NUDCD1: variants seen among roughly 807,000 people sequenced by gnomAD.
NUDCD1 encodes nudC domain-containing protein 1.
In NUDCD1, 60 loss-of-function variants were observed where a neutral mutation model predicts 67.8. The observed-to-expected ratio is 0.88, with a 90% CI of 0.72 to 1.10. NUDCD1 has a LOEUF of 1.10. Among genes scored for constraint, NUDCD1 ranks in the 50% least tolerant of loss-of-function variants. The pLI is 0.00. For missense variants in NUDCD1, 643 were observed against 695.0 expected (o/e 0.93, Z 0.84); for synonymous variants, 244 against 230.8 (o/e 1.06, Z -0.52).
intron 8 of NUDCD1, among the ~76,000 whole-genome samples, chr8:109,253,469 G>A (rs560529742): frequency 6.3e-4 from 96 of 152,302 alleles, no homozygotes; most frequent in South Asian, 2.3e-3. Flanking sequence ...AATGTTCCAC[G>A]TTTCCTTTAG....
At chr8:109,295,072 A>T (rs552081534) in intron 3 of NUDCD1, among the ~76,000 whole-genome samples, 26 of 152,120 alleles carry the variant, frequency 1.7e-4, no homozygotes, top group African/African-American at 5.8e-4. Flanking sequence ...AAGAAGGCAC[A>T]AGGTAGAATT....
At chr8:109,313,516 G>T (rs1815308572) in intron 2 of NUDCD1, among the ~76,000 whole-genome samples, 1 of 152,082 alleles carries the variant, frequency 6.6e-6, no homozygotes, top group Non-Finnish European at 1.5e-5. Context: ...AGGAGTATGA[G>T]AAAATTTTCC....
chr8:109,332,419 T>C (rs1481465922), intron 1 of NUDCD1, among the ~76,000 whole-genome samples: 1 of 152,122 alleles, frequency 6.6e-6, no homozygotes, highest in Non-Finnish European at 1.5e-5. Context: ...GGTACCAACC[T>C]GGGCTAGTCT....
intron 8 of NUDCD1, among the ~76,000 whole-genome samples, chr8:109,267,961 A>G (rs1814042079): frequency 6.6e-6 from 1 of 152,228 alleles, no homozygotes; most frequent in Non-Finnish European, 1.5e-5. Context: ...AATTATGGAA[A>G]GCATACTGGC....
At chr8:109,303,389 C>T (rs886154294) in intron 2 of NUDCD1, among the ~76,000 whole-genome samples, 1 of 152,132 alleles carries the variant, frequency 6.6e-6, no homozygotes, top group African/African-American at 2.4e-5. Flanking sequence ...ATATGGAGGC[C>T]ACCCACTCCA....
chr8:109,317,939 G>A lies in NUDCD1; in HGVS notation c.273+4370C>T, dbSNP rs147746336. 5.3e-3 allele frequency among the ~76,000 whole-genome samples: 803 copies of A among 152,168 alleles called. 10 individuals are homozygous for A. Among genetic ancestry groups the A allele is most frequent in the African/African-American group, 0.019 (772 of 41,506 alleles). On this transcript the variant is annotated intron_variant, in intron 2 of 9. Transcript: ENST00000239690. ...ACATATTACCATGTAATAGTTACCTGTACACTCATATTAGCACCTAAAAAG... is the reference window on the plus strand; with the variant it reads ...ACATATTACCATGTAATAGTTACCTATACACTCATATTAGCACCTAAAAAG...
intron 2 of NUDCD1, 96 bp downstream of exon 2, chr8:109,322,213 A>C (rs1815556869): frequency 1.7e-6 from 1 of 594,728 alleles, no homozygotes; most frequent in African/African-American, 1.8e-5. Context: ...TGTGCACCTC[A>C]CTTCTCTGGA....
chr8:109,295,753 G>C (rs1267962124), intron 3 of NUDCD1, among the ~76,000 whole-genome samples: 2 of 152,092 alleles, frequency 1.3e-5, no homozygotes, highest in Non-Finnish European at 2.9e-5. Flanking sequence ...ACTCAAAGGA[G>C]CTGAAGCAGT....
chr8:109,273,794 C>T (rs184901265), intron 7 of NUDCD1, among the ~76,000 whole-genome samples: 91 of 152,088 alleles, frequency 6.0e-4, no homozygotes, highest in African/African-American at 2.1e-3. Context: ...GAAGAGAGAA[C>T]ACTTCCCTAA....
At chr8:109,281,318 G>A in intron 5 of NUDCD1, 146 bp from the exon 6 acceptor site, 1 of 541,802 alleles carries the variant, frequency 1.8e-6, no homozygotes, top group Non-Finnish European at 3.2e-6. Flanking sequence ...AGATCTCTTT[G>A]AGGAATTTTC....
intron 8 of NUDCD1, among the ~76,000 whole-genome samples, chr8:109,260,221 ACT>A (rs1001310616): frequency 1.3e-5 from 2 of 152,316 alleles, no homozygotes; most frequent in Non-Finnish European, 2.9e-5. Context: ...AGAAGGTCTC[ACT>A]CTGTTGTAGG....
intron 2 of NUDCD1, among the ~76,000 whole-genome samples, chr8:109,310,573 C>T (rs1563680969): frequency 6.6e-6 from 1 of 152,124 alleles, no homozygotes; most frequent in African/African-American, 2.4e-5. Flanking sequence ...GATTTCATGA[C>T]CAAGAACCCA....
At chr8:109,322,499 G>A (rs1179609530) in intron 1 of NUDCD1, 36 bp from the exon 2 acceptor site, 2 of 1,544,224 alleles carry the variant, frequency 1.3e-6, no homozygotes, top group East Asian at 2.3e-5. Context: ...AACATCAAGA[G>A]TTTTGCCTCA....
chr8:109,252,691 C>A (rs916555665), intron 8 of NUDCD1, among the ~76,000 whole-genome samples: 3 of 152,162 alleles, frequency 2.0e-5, no homozygotes, highest in Admixed American at 6.5e-5. Flanking sequence ...ACATGGCAGT[C>A]CTCCTGTCTC....
intron 2 of NUDCD1, among the ~76,000 whole-genome samples, chr8:109,299,112 G>A (rs1482923040): frequency 6.6e-6 from 1 of 152,198 alleles, no homozygotes; most frequent in African/African-American, 2.4e-5. Context: ...AGCTCGCTGG[G>A]TTCCCTAACA....
chr8:109,247,431 T>G (rs556880216), intron 8 of NUDCD1, among the ~76,000 whole-genome samples: 1 of 152,136 alleles, frequency 6.6e-6, no homozygotes, highest in Non-Finnish European at 1.5e-5. Context: ...ATAGAGGACC[T>G]TGAACCACGA....
intron 7 of NUDCD1, among the ~76,000 whole-genome samples, chr8:109,274,596 A>G (rs183578044): frequency 4.6e-5 from 7 of 152,260 alleles, no homozygotes; most frequent in Non-Finnish European, 8.8e-5. Context: ...TAGTTTCTCT[A>G]TTTAGCCATG....
intron 2 of NUDCD1, among the ~76,000 whole-genome samples, chr8:109,302,260 A>C (rs1198906073): frequency 6.6e-6 from 1 of 152,176 alleles, no homozygotes; most frequent in Non-Finnish European, 1.5e-5. Flanking sequence ...CCATCATACA[A>C]GATCTAGATA....
At chr8:109,311,572 T>TA (rs1554617143) in intron 2 of NUDCD1, among the ~76,000 whole-genome samples, 1 of 145,314 alleles carries the variant, frequency 6.9e-6, no homozygotes, top group Non-Finnish European at 1.5e-5. Context: ...TATATATATA[T>TA]GATGGGATAC....
Sources: allele counts gnomAD v4.1 joint callset (sites outside exome capture counted in the v4.1 genomes callset), GRCh38; gene constraint gnomAD v4.1.1; transcripts MANE v1.5; gene names NCBI Gene and HGNC (gene_info 2026-07-23, HGNC 2026-07-21).